The following OFD1 variants were observed in gnomAD, a reference collection of about 807,000 sequenced individuals.
OFD1 encodes OFD1 centriole and centriolar satellite protein.
Under a neutral mutation model 81.4 loss-of-function variants are expected in OFD1, and 12 were observed. The observed-to-expected ratio is 0.15, with a 90% confidence interval of 0.09 to 0.24. The LOEUF (loss-of-function observed/expected upper bound fraction) is 0.24, where lower values mean the gene tolerates loss of function less well. Among genes scored for constraint, OFD1 ranks in the 10% least tolerant of loss-of-function variants. The pLI is 1.00. For missense variants in OFD1, 685 were observed against 733.9 expected (o/e 0.93, Z 0.77); for synonymous variants, 256 against 263.7 (o/e 0.97, Z 0.28).
the OFD1 span, among the ~76,000 whole-genome samples, chrX:13,725,174 A>G: frequency 1.1e-4 from 12 of 113,286 alleles, no homozygotes; most frequent in African/African-American, 3.8e-4. Flanking sequence ...GGCAGGGCTT[A>G]GCTGAACAAA....
At chrX:13,770,376 T>C (rs1029661509), downstream of OFD1, among the ~76,000 whole-genome samples, 4 of 112,399 alleles carry the variant, frequency 3.6e-5, no homozygotes, top group South Asian at 1.5e-3. Context: ...GGAATGGCCA[T>C]GTGTCAATAG....
intron 10 of OFD1, chrX:13,752,681 A>G: frequency 1.0e-6 from 1 of 969,551 alleles, no homozygotes; most frequent in Non-Finnish European, 1.3e-6. Flanking sequence ...GAGCTAGTGA[A>G]CTATTTGGTG....
At position 13,756,677 on chromosome X, in the gene OFD1, A is replaced by G; in HGVS notation, c.1321A>G (p.Lys441Glu). The part of the protein sequence containing the change: ...VKEMSDYSLL[K>E]EEKLELLAQN... ...AGAGATGAGTGATTATTCACTACTA[A>G]AAGAAGAGAAACTGGAGCTTCTGGC... Residue 441 changes from lysine to glutamate, a missense_variant, in exon 13 of 23, where the codon AAA becomes GAA. Around this residue, in one of 3 missense-constraint regions of OFD1, gnomAD observed 414 missense variants for 447.2 expected, o/e 0.93. Transcript: ENST00000340096. 3 of 1,204,943 alleles carry G rather than the reference A, an allele frequency of 2.5e-6. No individual in the cohort carries two copies. The highest frequency in any genetic ancestry group is 3.4e-6 in the Non-Finnish European group (3 of 889,383).
At chrX:13,748,838 G>T (rs912915772) in intron 8 of OFD1, among the ~76,000 whole-genome samples, 1 of 111,169 alleles carries the variant, frequency 9.0e-6, no homozygotes, top group Non-Finnish European at 1.9e-5. Context: ...AGGTAAGGGC[G>T]CCAGGTGTGG....
At chrX:13,771,586 T>A (rs1353345849), downstream of OFD1, 1 of 111,964 alleles carries the variant, frequency 8.9e-6, no homozygotes, top group Non-Finnish European at 1.9e-5. Flanking sequence ...TAACAATGAA[T>A]ATACATAGTT....
chrX:13,758,480 G>A, intron 15 of OFD1, 32 bp downstream of exon 15: 1 of 831,737 alleles, frequency 1.2e-6, no homozygotes, highest in Non-Finnish European at 1.8e-6. Context: ...AAATATTTTT[G>A]TATGTATAAA....
rs1555908820 is a variant in OFD1 at position 13,768,050 on chromosome X, A to G, written c.2758-4A>G. Reference sequence around the variant, plus strand: ...TATTTTCTGTTTTGGTGCCTGTTTTATAGAAGATGATTGAAGAATCACTGA... The same window carrying G: ...TATTTTCTGTTTTGGTGCCTGTTTTGTAGAAGATGATTGAAGAATCACTGA... On this transcript the variant is annotated splice_polypyrimidine_tract_variant and splice_region_variant and intron_variant, in intron 20 of 22. Coordinates refer to ENST00000340096, the MANE Select transcript of OFD1 (RefSeq NM_003611.3). 8.5e-7 allele frequency: 1 copy of G among 1,172,345 alleles called. No homozygotes were observed.
At chrX:13,773,140 A>G (rs1319929528), downstream of OFD1, 2 of 600,506 alleles carry the variant, frequency 3.3e-6, no homozygotes, top group Non-Finnish European at 5.2e-6. Context: ...TTAATTCTGT[A>G]TTAATAAATA....
chrX:13,764,665 C>G (rs761365556), intron 19 of OFD1, among the ~76,000 whole-genome samples: 1 of 112,424 alleles, frequency 8.9e-6, no homozygotes, highest in African/African-American at 3.2e-5. Context: ...ATACCCAAAA[C>G]CCCTGTTAGC....
chrX:13,734,572 A>C, upstream of OFD1: 7 of 521,213 alleles, frequency 1.3e-5, no homozygotes, highest in Non-Finnish European at 1.7e-5. Context: ...TTTCCGCGGA[A>C]GAGACCCGCG....
the OFD1 span, among the ~76,000 whole-genome samples, chrX:13,723,278 C>T: frequency 9.0e-6 from 1 of 110,913 alleles, no homozygotes; most frequent in South Asian, 3.8e-4. Flanking sequence ...GGAGATTCTC[C>T]TGCCTCAGCC....
Position 13,768,199 on chromosome X carries a change from A to G in OFD1, c.2903A>G (p.Glu968Gly). The change falls in exon 21 of 23, where the codon GAG becomes GGG. Residue 968 changes from glutamate (E) to glycine (G), a missense_variant. Glu to Gly is a moderately conservative substitution (Grantham distance 98). Transcript: ENST00000340096. ...AAATACATGAAAATCATCCAGCAGG[A>G]GCAAGACCAGGAGTCGGCAGATAAG... ...LEKYMKIIQQEQDQESADKSS... is the reference protein window; with the variant it reads ...LEKYMKIIQQGQDQESADKSS... 8.3e-7 allele frequency: 1 copy of G among 1,210,883 alleles called. No individual in the cohort carries two copies.
At chrX:13,732,126 T>G (rs138376920), upstream of OFD1, among the ~76,000 whole-genome samples, 776 of 112,063 alleles carry the variant, frequency 6.9e-3, 9 homozygotes, top group African/African-American at 0.023. Context: ...TAGGTGGCAT[T>G]AAGAGCAAGG....
intron 18 of OFD1, among the ~76,000 whole-genome samples, chrX:13,763,046 A>G (rs973113406): frequency 6.2e-5 from 7 of 112,905 alleles, no homozygotes; most frequent in Non-Finnish European, 1.3e-4. Context: ...CTGGGATAAC[A>G]GGCATGAGCC....
rs747090131 is a variant in OFD1, at chrX:13,760,670, C to T, written c.2210C>T (p.Thr737Ile). Reference sequence around the variant, plus strand: ...ACTTCCTCCAGACGCCTCTCTTCCACACCCCTTCCAAAAGCAAAAAGAAGC... The same window carrying T: ...ACTTCCTCCAGACGCCTCTCTTCCATACCCCTTCCAAAAGCAAAAAGAAGC... ...GGTSSRRLSS[T>I]PLPKAKRSLE... The change falls in exon 16 of 23, where the codon ACA becomes ATA. Residue 737 changes from threonine to isoleucine, a missense_variant. Physicochemically the swap from Thr to Ile is moderately conservative, Grantham distance 89 (BLOSUM62 -1). Around this residue, in one of 3 missense-constraint regions of OFD1, gnomAD observed 259 missense variants for 254.4 expected, o/e 1.02. Coordinates refer to ENST00000340096, the MANE Select transcript of OFD1 (RefSeq NM_003611.3). The T allele has an allele frequency of 2.5e-6, 3 of 1,211,501 alleles. No homozygotes were observed. Among genetic ancestry groups the T allele is most frequent in the Non-Finnish European group, 3.4e-6 (3 of 895,317 alleles).
In OFD1 at chrX:13,769,188, C is replaced by A; in HGVS notation, c.*80C>A. The stretch of plus-strand genomic sequence containing the variant: ...TACTCCTTTGTAAATGTTTCCCTAT[C>A]ATCAGACAAAACTCAATAAAAATGT... On this transcript the variant is annotated 3_prime_UTR_variant, in exon 23 of 23. Transcript: ENST00000340096. 1 of 800,040 alleles carries A rather than the reference C, an allele frequency of 1.2e-6. No homozygotes were observed. Among genetic ancestry groups the A allele is most frequent in the Non-Finnish European group, 1.9e-6 (1 of 526,340 alleles). 65.9% of individuals were successfully genotyped at this position (800,040 alleles called of 1,213,427 possible).
downstream of OFD1, chrX:13,772,771 T>C (rs1382407524): frequency 3.0e-6 from 2 of 676,019 alleles, no homozygotes; most frequent in Non-Finnish European, 4.4e-6. Context: ...GACAGTGAAG[T>C]GTTTGTACAT....
Position 13,756,737 on chromosome X carries a change from A to C in OFD1, c.1381A>C (p.Ser461Arg). ...NKLLKQQLEE[S>R]RNENLRLLNR... ...ATTACTTAAACAACAACTGGAAGAG[A>C]GTAGAAATGAAAACCTGCGTCTCCT... Residue 461 changes from serine (S) to arginine (R), a missense_variant, in exon 13 of 23, where the codon AGT (serine) becomes CGT (arginine). Transcript: ENST00000340096. 3 of 1,209,461 alleles carry C rather than the reference A, an allele frequency of 2.5e-6. No homozygotes were observed. The highest frequency in any genetic ancestry group is 3.4e-6 in the Non-Finnish European group (3 of 893,298).
chrX:13,772,772 G>C, downstream of OFD1: 1 of 716,388 alleles, frequency 1.4e-6, no homozygotes, highest in Non-Finnish European at 2.1e-6. Context: ...ACAGTGAAGT[G>C]TTTGTACATC....
Sources: allele counts gnomAD v4.1 joint callset (sites outside exome capture counted in the v4.1 genomes callset), GRCh38; gene constraint gnomAD v4.1.1; regional missense constraint gnomAD v4.1.1; transcripts MANE v1.5; gene names NCBI Gene and HGNC (gene_info 2026-07-23, HGNC 2026-07-21).